The following GPC5 variants were observed in gnomAD, a reference collection of about 807,000 sequenced individuals.
GPC5 encodes the protein glypican-5.
A neutral mutation model predicts 53.9 loss-of-function variants in GPC5; 47 were observed. The observed-to-expected ratio is 0.87, with a 90% confidence interval of 0.69 to 1.11. GPC5 has a LOEUF of 1.11. Ranked by LOEUF, GPC5 falls within the 50% of genes most tolerant of loss-of-function variation. The pLI is 0.00. For missense variants in GPC5, 748 were observed against 713.1 expected (o/e 1.05, Z -0.56); for synonymous variants, 286 against 263.3 (o/e 1.09, Z -0.84).
intron 7 of GPC5, among the ~76,000 whole-genome samples, chr13:92,335,237 A>C (rs2043314115): frequency 6.6e-6 from 1 of 152,070 alleles, no homozygotes; most frequent in South Asian, 2.1e-4. Flanking sequence ...TCATCTGTAT[A>C]CCTGCGAGAC....
chr13:92,844,662 G>C (rs895512794), intron 7 of GPC5, among the ~76,000 whole-genome samples: 3 of 151,638 alleles, frequency 2.0e-5, no homozygotes, highest in Non-Finnish European at 2.9e-5. Context: ...GTAAAAAACT[G>C]GTCAATTATT....
At chr13:91,634,407 C>T (rs1310923166) in intron 2 of GPC5, among the ~76,000 whole-genome samples, 1 of 151,880 alleles carries the variant, frequency 6.6e-6, no homozygotes, top group East Asian at 1.9e-4. Flanking sequence ...TAGCTTAGGT[C>T]ACACAGTCGA....
At chr13:91,518,288 G>T (rs1219539942) in intron 2 of GPC5, among the ~76,000 whole-genome samples, 1 of 152,108 alleles carries the variant, frequency 6.6e-6, no homozygotes, top group Non-Finnish European at 1.5e-5. Context: ...TTTAGCTCAG[G>T]AGTTTGAGGT....
At position 92,532,915 on chromosome 13, in the gene GPC5, A is replaced by C. The variant is rs190583962; in HGVS notation, c.1562-333367A>C. ...ACAATGTGGGTTTAGGTAGATCCTA[A>C]GTGGCAGTTTTATTAAGCTGACATT... On this transcript the variant is annotated intron_variant, in intron 7 of 7. Transcript: ENST00000377067. Among the ~76,000 whole-genome samples the C allele has an allele frequency of 5.3e-4, 81 of 152,310 alleles. 1 individual carries two copies. The highest frequency in any genetic ancestry group is 1.9e-3 in the African/African-American group (77 of 41,574).
chr13:91,708,259 C>A (rs914439875), intron 3 of GPC5, among the ~76,000 whole-genome samples: 1 of 151,682 alleles, frequency 6.6e-6, no homozygotes, highest in Non-Finnish European at 1.5e-5. Context: ...CTTAAGTTTA[C>A]GTTTTTTGTT....
intron 2 of GPC5, among the ~76,000 whole-genome samples, chr13:91,547,476 A>G (rs897792718): frequency 6.6e-6 from 1 of 152,130 alleles, no homozygotes; most frequent in Non-Finnish European, 1.5e-5. Context: ...GAATATGCCT[A>G]TATCTGTTTA....
At chr13:91,448,008 T>C (rs1258155506) in intron 1 of GPC5, among the ~76,000 whole-genome samples, 1 of 152,168 alleles carries the variant, frequency 6.6e-6, no homozygotes, top group African/African-American at 2.4e-5. Flanking sequence ...TTGTCCTGGG[T>C]CCCTACCAGG....
Position 92,093,323 on chromosome 13 carries a change from ATTT to A in GPC5, c.1402-51504_1402-51502del, listed in dbSNP as rs2041395677. Among the ~76,000 whole-genome samples, 6 of 152,134 alleles carry A rather than the reference ATTT, an allele frequency of 3.9e-5. No individual in the cohort carries two copies. The South Asian group carries it at 1.2e-3, about 31-fold the overall frequency. On this transcript the variant is annotated intron_variant, in intron 6 of 7. Transcript: ENST00000377067. ...TTATTACAAATCCCAATTGAGAAGT[ATTT>A]TTAAGTATATTTTTCTTTCCAAGAC... is the stretch of plus-strand genomic sequence containing the variant.
At chr13:92,758,414 A>G (rs1216560779) in intron 7 of GPC5, among the ~76,000 whole-genome samples, 2 of 151,848 alleles carry the variant, frequency 1.3e-5, no homozygotes, top group Non-Finnish European at 2.9e-5. Flanking sequence ...AGCATGGCAC[A>G]TGTATACGTA....
intron 7 of GPC5, among the ~76,000 whole-genome samples, chr13:92,248,852 C>T (rs1425920578): frequency 1.3e-5 from 2 of 151,986 alleles, no homozygotes; most frequent in Non-Finnish European, 2.9e-5. Context: ...ATTTTCACTT[C>T]TGTTTATTGA....
chr13:92,848,800 GA>G (rs1308335730), intron 7 of GPC5, among the ~76,000 whole-genome samples: 2 of 152,168 alleles, frequency 1.3e-5, no homozygotes, highest in African/African-American at 4.8e-5. Context: ...ATCTACACCA[GA>G]AACAACATTA....
intron 2 of GPC5, among the ~76,000 whole-genome samples, chr13:91,508,225 G>A (rs937196459): frequency 1.8e-4 from 27 of 152,142 alleles, no homozygotes; most frequent in African/African-American, 6.0e-4. Context: ...TTAGTATAAC[G>A]TAGTATGAAT....
chr13:91,641,678 A>G (rs2034434175), intron 2 of GPC5, among the ~76,000 whole-genome samples: 1 of 152,232 alleles, frequency 6.6e-6, no homozygotes, highest in Non-Finnish European at 1.5e-5. Flanking sequence ...TTGTTTTGTT[A>G]TAGAACATCA....
At chr13:91,766,015 A>C (rs767657986) in intron 5 of GPC5, among the ~76,000 whole-genome samples, 2 of 152,238 alleles carry the variant, frequency 1.3e-5, no homozygotes, top group Non-Finnish European at 2.9e-5. Context: ...ATATAGTAAC[A>C]CAATAAAAAT....
intron 7 of GPC5, among the ~76,000 whole-genome samples, chr13:92,381,841 G>GTATATGA (rs2043742404): frequency 3.5e-4 from 22 of 62,960 alleles, no homozygotes; most frequent in Middle Eastern, 6.8e-3. Context: ...ATATTATATT[G>GTATATGA]TATATGATCA....
chr13:91,538,728 G>C (rs558984406), intron 2 of GPC5, among the ~76,000 whole-genome samples: 48 of 151,446 alleles, frequency 3.2e-4, no homozygotes, highest in Non-Finnish European at 6.0e-4. Flanking sequence ...GACTACAGGT[G>C]CCCGCCACGA....
At chr13:92,204,051 T>C (rs2042315175) in intron 7 of GPC5, among the ~76,000 whole-genome samples, 1 of 152,204 alleles carries the variant, frequency 6.6e-6, no homozygotes, top group African/African-American at 2.4e-5. Context: ...TCATGTTATA[T>C]TAAAATATCT....
At chr13:91,442,213 G>C (rs75181099) in intron 1 of GPC5, among the ~76,000 whole-genome samples, 3,413 of 152,232 alleles carry the variant, frequency 0.022, 65 homozygotes, top group South Asian at 0.047. Context: ...TCAGTATCTT[G>C]AAAGTCCTTC....
intron 6 of GPC5, among the ~76,000 whole-genome samples, chr13:92,032,966 T>G (rs1334225871): frequency 2.0e-5 from 3 of 151,930 alleles, no homozygotes; most frequent in Admixed American, 1.3e-4. Context: ...AAATTATGCT[T>G]AGCGCTATCT....
Sources: allele counts gnomAD v4.1 joint callset (sites outside exome capture counted in the v4.1 genomes callset), GRCh38; gene constraint gnomAD v4.1.1; transcripts MANE v1.5; gene names NCBI Gene and HGNC (gene_info 2026-07-23, HGNC 2026-07-21).